PTPRZ1: variants seen among roughly 807,000 people sequenced by gnomAD.
The protein encoded by PTPRZ1 is receptor-type tyrosine-protein phosphatase zeta.
A neutral mutation model predicts 214.1 loss-of-function variants in PTPRZ1; 82 were observed. That is an observed-to-expected ratio of 0.38 (90% CI 0.32 to 0.46). PTPRZ1 has a LOEUF of 0.46. Among genes scored for constraint, PTPRZ1 ranks in the 20% least tolerant of loss-of-function variants. PTPRZ1 has a pLI of 1.00. For missense variants in PTPRZ1, 2,603 were observed against 2,748.7 expected, an observed-to-expected ratio of 0.95 and a Z score of 1.19; for synonymous variants, 945 against 987.9, an observed-to-expected ratio of 0.96 and a Z score of 0.81.
chr7:121,938,706 G>A (rs138966880), intron 2 of PTPRZ1, among the ~76,000 whole-genome samples: 307 of 150,094 alleles, frequency 2.0e-3, no homozygotes, highest in African/African-American at 7.0e-3. Context: ...TATTTACAAC[G>A]ATCTCTTTTC....
At chr7:122,052,048 T>C (rs765815636) in intron 25 of PTPRZ1, 109 bp downstream of exon 25, 124 of 787,638 alleles carry the variant, frequency 1.6e-4, no homozygotes, top group Non-Finnish European at 2.2e-4. Flanking sequence ...GAGTGGTAAA[T>C]TTAAGTTAAA....
chr7:121,933,595 AATTG>A (rs1375489737), intron 2 of PTPRZ1, among the ~76,000 whole-genome samples: 2 of 152,192 alleles, frequency 1.3e-5, no homozygotes, highest in African/African-American at 2.4e-5. Flanking sequence ...TTAAATATCG[AATTG>A]ATTCTATTTC....
chr7:121,990,170 A>T (rs1238264355), intron 8 of PTPRZ1, among the ~76,000 whole-genome samples: 2 of 152,212 alleles, frequency 1.3e-5, no homozygotes, highest in Non-Finnish European at 2.9e-5. Context: ...AGTAAAAGCT[A>T]GCATAAAAAT....
At chr7:122,031,580 T>G in intron 15 of PTPRZ1, 21 bp downstream of exon 15, 1 of 1,490,070 alleles carries the variant, frequency 6.7e-7, no homozygotes, top group Non-Finnish European at 9.3e-7. Flanking sequence ...AATATGTCTA[T>G]TTTAAATAAT....
chr7:121,918,136 T>G (rs1795481535), intron 1 of PTPRZ1, among the ~76,000 whole-genome samples: 1 of 151,992 alleles, frequency 6.6e-6, no homozygotes, highest in Non-Finnish European at 1.5e-5. Context: ...TGTCCAGACA[T>G]AAGTGCACAG....
chr7:121,970,564 A>G (rs1425576351), intron 3 of PTPRZ1, among the ~76,000 whole-genome samples: 1 of 152,032 alleles, frequency 6.6e-6, no homozygotes. Context: ...GATGGTGAGC[A>G]TTTTTTCATG....
At chr7:122,040,383 G>A (rs982611573) in intron 20 of PTPRZ1, among the ~76,000 whole-genome samples, 6 of 152,134 alleles carry the variant, frequency 3.9e-5, no homozygotes, top group African/African-American at 1.4e-4. Flanking sequence ...AGAAATTCTG[G>A]TAGGATCTTT....
intron 13 of PTPRZ1, among the ~76,000 whole-genome samples, chr7:122,026,322 T>A (rs1200591555): frequency 6.6e-6 from 1 of 152,220 alleles, no homozygotes; most frequent in East Asian, 1.9e-4. Context: ...ACGTTAAGAT[T>A]CGTTGAAATA....
intron 1 of PTPRZ1, among the ~76,000 whole-genome samples, chr7:121,924,044 G>T (rs2116355476): frequency 6.6e-6 from 1 of 152,094 alleles, no homozygotes; most frequent in Non-Finnish European, 1.5e-5. Context: ...CCTTAAAAAA[G>T]ATTTGCTAAT....
At chr7:121,967,924 A>G in intron 2 of PTPRZ1, 27 bp from the exon 3 acceptor site, 1 of 1,476,920 alleles carries the variant, frequency 6.8e-7, no homozygotes, top group Non-Finnish European at 9.2e-7. Flanking sequence ...TTAAGAAACT[A>G]AATTTCTTAC....
chr7:121,976,208 A>G lies in PTPRZ1; in HGVS notation c.492A>G (p.Ser164=). The change falls in exon 5 of 30, where the codon TCA becomes TCG. Residue 164 remains serine, a synonymous_variant. Coordinates refer to ENST00000393386, the MANE Select transcript of PTPRZ1 (RefSeq NM_002851.3). The part of the protein sequence containing the change: ...QIYCFDADRF[S]SFEEAVKGKG... ...ACTGCTTTGATGCGGACCGATTTTC[A>G]AGTTTTGAGGAAGCAGTCAAAGGAA... 1 of 1,609,070 alleles carries G rather than the reference A, an allele frequency of 6.2e-7. No homozygotes were observed.
chr7:121,899,831 C>T (rs979335076), intron 1 of PTPRZ1, among the ~76,000 whole-genome samples: 4 of 152,096 alleles, frequency 2.6e-5, no homozygotes, highest in African/African-American at 9.7e-5. Context: ...AAGCTTGAGG[C>T]CTTGGACAAG....
intron 1 of PTPRZ1, among the ~76,000 whole-genome samples, chr7:121,925,939 T>C (rs1365620471): frequency 6.6e-6 from 1 of 152,130 alleles, no homozygotes; most frequent in Non-Finnish European, 1.5e-5. Flanking sequence ...TCCCAGGTCC[T>C]TGAGAGGTAC....
At chr7:121,997,090 G>A (rs1297239940) in intron 9 of PTPRZ1, among the ~76,000 whole-genome samples, 2 of 152,192 alleles carry the variant, frequency 1.3e-5, no homozygotes, top group East Asian at 1.9e-4. Context: ...CTCCACCAGC[G>A]CATGCGAATA....
chr7:122,028,672 G>A, intron 14 of PTPRZ1, 29 bp downstream of exon 14: 1 of 1,456,684 alleles, frequency 6.9e-7, no homozygotes, highest in Non-Finnish European at 9.6e-7. Context: ...ACCATGAGTA[G>A]CTGGTAGATG....
intron 21 of PTPRZ1, among the ~76,000 whole-genome samples, chr7:122,041,619 T>A (rs886476907): frequency 5.3e-5 from 8 of 152,246 alleles, no homozygotes; most frequent in Non-Finnish European, 1.2e-4. Flanking sequence ...CCTTATTTAA[T>A]GTTTTCAGTT....
intron 2 of PTPRZ1, among the ~76,000 whole-genome samples, chr7:121,962,869 G>A (rs1796924356): frequency 1.3e-5 from 2 of 151,992 alleles, no homozygotes; most frequent in Non-Finnish European, 2.9e-5. Context: ...CAGCTCCTGT[G>A]CACAATATTA....
At chr7:122,000,406 G>A (rs962009159) in intron 10 of PTPRZ1, among the ~76,000 whole-genome samples, 1 of 151,486 alleles carries the variant, frequency 6.6e-6, no homozygotes, top group Non-Finnish European at 1.5e-5. Context: ...TTTATTATTT[G>A]TGTGACTAAT....
rs147277279 is a variant in PTPRZ1, at chr7:122,036,495, G to T, written c.5285-105G>T. 1.8e-4 allele frequency: 141 copies of T among 768,318 alleles called. No individual in the cohort carries two copies. In the African/African-American group the frequency reaches 2.3e-3, roughly 13 times the overall value. The allele number at this position is 768,318 out of a possible 1,614,324, so 47.6% of individuals were successfully genotyped here. A position where few individuals can be genotyped will look rare whatever the true frequency, so the allele number is the denominator to read the frequency against. ...AGCCTATGAAAGTAAATGATTGCTT[G>T]TGTTGATTTTAATTGAATGAAATAA... is the stretch of plus-strand genomic sequence containing the variant. On this transcript the variant is annotated intron_variant, in intron 17 of 29. Coordinates refer to ENST00000393386, the MANE Select transcript of PTPRZ1 (RefSeq NM_002851.3).
Sources: gnomAD v4.1 joint callset for allele counts (sites outside exome capture counted in the v4.1 genomes callset) on GRCh38, gnomAD v4.1.1 for gene constraint, MANE v1.5 for transcripts, NCBI Gene and HGNC (gene_info 2026-07-23, HGNC 2026-07-21) for gene names.